The following STX7 variants were observed in gnomAD, a reference collection of about 807,000 sequenced individuals.
STX7 encodes syntaxin-7.
STX7 carries 34 observed loss-of-function variants against 39.6 expected under a neutral mutation model. The ratio of observed to expected loss-of-function variants is 0.86; its 90% CI spans 0.65 to 1.14. The LOEUF is 1.14. Among genes scored for constraint, STX7 ranks in the 50% most tolerant of loss-of-function variants. The pLI is 0.00. For synonymous variants in STX7, 119 were observed against 99.1 expected (o/e 1.20, Z -1.19); for missense variants, 284 against 310.4 (o/e 0.92, Z 0.64).
chr6:132,485,635 G>GT (rs1775115256), intron 2 of STX7, among the ~76,000 whole-genome samples: 1 of 152,208 alleles, frequency 6.6e-6, no homozygotes. Context: ...CACCTGCAGT[G>GT]TATGAAAACT....
At chr6:132,485,878 GCTTT>G (rs1404580931) in intron 2 of STX7, among the ~76,000 whole-genome samples, 4 of 152,098 alleles carry the variant, frequency 2.6e-5, no homozygotes, top group Non-Finnish European at 4.4e-5. Flanking sequence ...AATTATATAA[GCTTT>G]CTTTAATTTC....
chr6:132,490,187 C>T (rs1775243567), intron 2 of STX7, among the ~76,000 whole-genome samples: 2 of 152,198 alleles, frequency 1.3e-5, no homozygotes, highest in Non-Finnish European at 1.5e-5. Context: ...TCCCCAACCC[C>T]GCTGACACAT....
At position 132,470,171 on chromosome 6, in the gene STX7, C is replaced by A. The variant is rs187291014; in HGVS notation, c.441-124G>T. 4,289 of 607,400 alleles carry A rather than the reference C, an allele frequency of 7.1e-3. 116 individuals are homozygous for A. The highest frequency in any genetic ancestry group is 0.068 in the African/African-American group (3,494 of 51,036). 37.6% of individuals were successfully genotyped at this position (607,400 alleles called of 1,614,324 possible). On this transcript the variant is annotated intron_variant, in intron 6 of 9. Transcript: ENST00000367941. ...TATTCTCCAAAGTCACAGAACTACT[C>A]AAAAAAATTCTAAGAATATAACAGA...
At chr6:132,471,418 G>A in intron 5 of STX7, 45 bp downstream of exon 5, 2 of 1,578,818 alleles carry the variant, frequency 1.3e-6, no homozygotes, top group Non-Finnish European at 1.7e-6. Flanking sequence ...GGGACCCTTA[G>A]CAAGTAACCA....
chr6:132,499,417 A>G (rs1302871212), intron 2 of STX7, among the ~76,000 whole-genome samples: 2 of 152,170 alleles, frequency 1.3e-5, no homozygotes, highest in African/African-American at 2.4e-5. Context: ...GAAAATCTGG[A>G]AAGTCTCTTT....
chr6:132,465,031 C>T (rs1774527307), intron 8 of STX7, among the ~76,000 whole-genome samples: 1 of 152,198 alleles, frequency 6.6e-6, no homozygotes, highest in Non-Finnish European at 1.5e-5. Context: ...GCCTTTTCTT[C>T]TCATTCCTTG....
intron 9 of STX7, among the ~76,000 whole-genome samples, chr6:132,463,087 G>A (rs1774454809): frequency 6.6e-6 from 1 of 151,774 alleles, no homozygotes; most frequent in Non-Finnish European, 1.5e-5. Flanking sequence ...CCAGGCGTGG[G>A]GGTACACACT....
At chr6:132,502,183 T>C (rs963635229) in intron 2 of STX7, among the ~76,000 whole-genome samples, 6 of 152,228 alleles carry the variant, frequency 3.9e-5, no homozygotes, top group Non-Finnish European at 8.8e-5. Context: ...TAAAACACAC[T>C]AGCATCTCAT....
Position 132,475,651 on chromosome 6 carries a change from G to C in STX7, c.97C>G (p.Gln33Glu). Residue 33 changes from glutamine (Q) to glutamate (E), a missense_variant, in exon 3 of 10, where the codon CAA becomes GAA. Transcript: ENST00000367941. The part of the protein sequence containing the change: ...QKITQCSVEI[Q>E]RTLNQLGTPQ... The stretch of plus-strand genomic sequence containing the variant: ...GTTCCAAGTTGATTCAGAGTTCTTT[G>C]TATTTCCACAGCTATTATAATAGAA... 1 of 1,606,154 alleles carries C rather than the reference G, an allele frequency of 6.2e-7. No individual in the cohort carries two copies. The highest frequency in any genetic ancestry group is 1.1e-5 in the South Asian group (1 of 89,728).
chr6:132,475,744 A>C, intron 2 of STX7, 82 bp from the exon 3 acceptor site: 1 of 826,018 alleles, frequency 1.2e-6, no homozygotes, highest in Non-Finnish European at 1.8e-6. Flanking sequence ...TGTACAAGCA[A>C]TTGGGCAGTT....
At chr6:132,473,972 G>A (rs1456776085) in intron 3 of STX7, among the ~76,000 whole-genome samples, 1 of 152,018 alleles carries the variant, frequency 6.6e-6, no homozygotes, top group Non-Finnish European at 1.5e-5. Context: ...GCTCATGCCT[G>A]TAATCACAGC....
At chr6:132,493,590 G>T (rs1775348450) in intron 2 of STX7, among the ~76,000 whole-genome samples, 1 of 152,164 alleles carries the variant, frequency 6.6e-6, no homozygotes, top group South Asian at 2.1e-4. Flanking sequence ...CGCCATGATT[G>T]TGAGGCCTCC....
rs1489946273 is a variant in STX7, at chr6:132,457,034, G to A, written c.*3724C>T. ...CTGACAGCTGGGGACAGCTCCCTGA[G>A]ACACACTGTCAGTGCTGCACGCCAA... On this transcript the variant is annotated 3_prime_UTR_variant, in exon 10 of 10. Transcript: ENST00000367941. The A allele has an allele frequency of 2.0e-5, 3 of 152,286 alleles. No homozygotes were observed. Among genetic ancestry groups the A allele is most frequent in the South Asian group, 2.1e-4 (1 of 4,834 alleles). 9.4% of individuals were successfully genotyped at this position (152,286 alleles called of 1,614,324 possible). A position where few individuals can be genotyped will look rare whatever the true frequency, so the allele number is the denominator to read the frequency against.
In STX7 at chr6:132,446,396, TTTCA is replaced by T. The variant is rs1370436572; in HGVS notation, c.*14358_*14361del. The stretch of plus-strand genomic sequence containing the variant: ...TTGAAAGAAACCTTTTATACAATGT[TTTCA>T]TTGTCTTGTTCTTTTTCTGGAACCA... On this transcript the variant is annotated 3_prime_UTR_variant, in exon 10 of 10. Coordinates refer to ENST00000367941, the MANE Select transcript of STX7 (RefSeq NM_003569.3). 2 of 152,212 alleles carry T rather than the reference TTTCA, an allele frequency of 1.3e-5. No individual in the cohort carries two copies. The highest frequency in any genetic ancestry group is 2.9e-5 in the Non-Finnish European group (2 of 68,020). 9.4% of individuals were successfully genotyped at this position (152,212 alleles called of 1,614,324 possible).
chr6:132,482,369 G>C (rs981628540), intron 2 of STX7, among the ~76,000 whole-genome samples: 1 of 152,114 alleles, frequency 6.6e-6, no homozygotes, highest in Non-Finnish European at 1.5e-5. Flanking sequence ...AGGTGATAAA[G>C]GGCTTATAGG....
intron 2 of STX7, among the ~76,000 whole-genome samples, chr6:132,486,064 A>G (rs1043759097): frequency 1.3e-5 from 2 of 152,228 alleles, no homozygotes; most frequent in Non-Finnish European, 2.9e-5. Context: ...TTGATCAGAT[A>G]CTTACTAAAT....
chr6:132,453,992 C>A lies in STX7; in HGVS notation c.*6766G>T, dbSNP rs1774192467. 6.6e-6 allele frequency: 1 copy of A among 152,070 alleles called. No homozygotes were observed. Among genetic ancestry groups the A allele is most frequent in the African/African-American group, 2.4e-5 (1 of 41,406 alleles). 9.4% of individuals were successfully genotyped at this position (152,070 alleles called of 1,614,324 possible). A position where few individuals can be genotyped will look rare whatever the true frequency, so the allele number is the denominator to read the frequency against. On this transcript the variant is annotated 3_prime_UTR_variant, in exon 10 of 10. Coordinates refer to ENST00000367941, the MANE Select transcript of STX7 (RefSeq NM_003569.3). ...ACTTGTACACAAATGTTTATAGCAA[C>A]TTTATTTATAGTAGCCAAAAACTGG...
intron 2 of STX7, among the ~76,000 whole-genome samples, chr6:132,500,002 A>G (rs1458697886): frequency 6.6e-6 from 1 of 151,852 alleles, no homozygotes; most frequent in Non-Finnish European, 1.5e-5. Flanking sequence ...TACCATCCCT[A>G]CCCACATGCA....
intron 2 of STX7, among the ~76,000 whole-genome samples, chr6:132,475,975 C>T (rs949156807): frequency 2.0e-5 from 3 of 151,906 alleles, no homozygotes; most frequent in African/African-American, 7.3e-5. Context: ...GACTTTAACA[C>T]TACTAGCATA....
Sources: gnomAD v4.1 joint callset for allele counts (sites outside exome capture counted in the v4.1 genomes callset) on GRCh38, gnomAD v4.1.1 for gene constraint, MANE v1.5 for transcripts, NCBI Gene and HGNC (gene_info 2026-07-23, HGNC 2026-07-21) for gene names.